Variants in RBFOX2 observed in about 807,000 individuals in gnomAD.
The protein encoded by RBFOX2 is RNA binding fox-1 homolog 2.
RBFOX2 carries 10 observed loss-of-function variants against 49.1 expected under a neutral mutation model. That is an observed-to-expected ratio of 0.20 (90% CI 0.13 to 0.35). The LOEUF is 0.35. RBFOX2 is among the 10% of genes least tolerant of loss of function. The pLI is 1.00. For synonymous variants in RBFOX2, 183 were observed against 187.4 expected, an observed-to-expected ratio of 0.98 and a Z score of 0.19; for missense variants, 323 against 486.9, an observed-to-expected ratio of 0.66 and a Z score of 3.17.
At chr22:35,826,545 T>G (rs1482629127) in intron 1 of RBFOX2, among the ~76,000 whole-genome samples, 1 of 152,052 alleles carries the variant, frequency 6.6e-6, no homozygotes, top group Non-Finnish European at 1.5e-5. Context: ...TCCTAAAGAT[T>G]GCATATAAGA....
upstream of RBFOX2, among the ~76,000 whole-genome samples, chr22:35,963,666 T>C (rs1221802248): frequency 3.9e-5 from 6 of 152,164 alleles, no homozygotes; most frequent in East Asian, 3.8e-4. Context: ...AGAGCACTTA[T>C]TACGTTCCAA....
Position 35,788,602 on chromosome 22 carries a change from T to C in RBFOX2, c.253-6856A>G, listed in dbSNP as rs544364017. Reference sequence around the variant, plus strand: ...GTTGGAAAAAAAAATCCCTTCAGAATTTTGAAGATAACTCTCAATTGTCTT... The same window carrying C: ...GTTGGAAAAAAAAATCCCTTCAGAACTTTGAAGATAACTCTCAATTGTCTT... On this transcript the variant is annotated intron_variant, in intron 2 of 11. Transcript: ENST00000405409. Among the ~76,000 whole-genome samples the C allele has an allele frequency of 2.0e-5, 3 of 152,358 alleles. No individual in the cohort carries two copies. In the South Asian group the frequency reaches 6.2e-4, roughly 32 times the overall value.
intron 1 of RBFOX2, among the ~76,000 whole-genome samples, chr22:35,813,455 A>G (rs1448106398): frequency 6.6e-6 from 1 of 152,208 alleles, no homozygotes; most frequent in East Asian, 1.9e-4. Context: ...CATCTGAGAA[A>G]AGAAATTACT....
chr22:36,006,671 TG>T (rs1199692758), intron 1 of RBFOX2, among the ~76,000 whole-genome samples: 1 of 152,202 alleles, frequency 6.6e-6, no homozygotes, highest in Non-Finnish European at 1.5e-5. Flanking sequence ...CTTGCTCGCA[TG>T]CCCTCCACCC....
intron 1 of RBFOX2, among the ~76,000 whole-genome samples, chr22:35,874,432 A>G (rs1479126006): frequency 1.3e-5 from 2 of 152,208 alleles, no homozygotes; most frequent in Non-Finnish European, 2.9e-5. Context: ...AAAGGGGTGG[A>G]TGGAGGCAGA....
At chr22:35,996,540 G>A (rs1462213713) in intron 1 of RBFOX2, 1 of 151,754 alleles carries the variant, frequency 6.6e-6, no homozygotes, top group East Asian at 1.9e-4. Flanking sequence ...GGTAGGTGGA[G>A]GTTGCAGTGA....
At chr22:35,841,050 AT>A (rs1225544185), upstream of RBFOX2, among the ~76,000 whole-genome samples, 1 of 152,090 alleles carries the variant, frequency 6.6e-6, no homozygotes, top group Admixed American at 6.6e-5. Flanking sequence ...AATTTAAATG[AT>A]TTTTTTCCTA....
chr22:35,837,865 T>C (rs898115019), intron 1 of RBFOX2, among the ~76,000 whole-genome samples: 2 of 152,156 alleles, frequency 1.3e-5, no homozygotes, highest in Admixed American at 6.5e-5. Flanking sequence ...TTCCTAAACT[T>C]ATGGCTTCTT....
chr22:35,877,762 T>C (rs1399350181), intron 1 of RBFOX2, among the ~76,000 whole-genome samples: 1 of 152,082 alleles, frequency 6.6e-6, no homozygotes. Context: ...GCCTCAATAG[T>C]ACAAAGCACT....
intron 5 of RBFOX2, 30 bp downstream of exon 6, chr22:35,768,227 A>G (rs767582455): frequency 4.4e-5 from 70 of 1,600,190 alleles, no homozygotes; most frequent in Non-Finnish European, 6.0e-5. Flanking sequence ...AAAAATATAA[A>G]CCAGAAATTG....
upstream of RBFOX2, chr22:35,939,269 C>T (rs538117962): frequency 1.3e-5 from 6 of 478,632 alleles, no homozygotes; most frequent in East Asian, 2.5e-4. Flanking sequence ...CCGTTAGCAC[C>T]CCTAAACACT....
chr22:35,883,392 G>A (rs1274193080), intron 1 of RBFOX2, among the ~76,000 whole-genome samples: 1 of 152,234 alleles, frequency 6.6e-6, no homozygotes, highest in Non-Finnish European at 1.5e-5. Context: ...AAGCCCTATT[G>A]TTTGACGGAG....
intron 2 of RBFOX2, among the ~76,000 whole-genome samples, chr22:35,801,883 A>G (rs1215166196): frequency 6.6e-6 from 1 of 152,162 alleles, no homozygotes; most frequent in African/African-American, 2.4e-5. Flanking sequence ...TTTCAACCAG[A>G]GCATCCTAAA....
chr22:35,918,426 G>C (rs2050670990), intron 1 of RBFOX2, among the ~76,000 whole-genome samples: 2 of 152,138 alleles, frequency 1.3e-5, no homozygotes, highest in Admixed American at 6.5e-5. Flanking sequence ...CTACAGCTGA[G>C]AAAGCATACA....
chr22:35,751,850 G>A (rs1001809595), intron 9 of RBFOX2, among the ~76,000 whole-genome samples: 1 of 152,168 alleles, frequency 6.6e-6, no homozygotes, highest in East Asian at 1.9e-4. Context: ...GATGAGAGAC[G>A]ATTTTCAATA....
chr22:35,778,082 C>T lies in RBFOX2; in HGVS notation c.400-4G>A, dbSNP rs752497190. 9 of 1,610,052 alleles carry T rather than the reference C, an allele frequency of 5.6e-6. No individual in the cohort carries two copies. Among genetic ancestry groups the T allele is most frequent in the Middle Eastern group, 3.3e-4 (2 of 6,074 alleles). ...CATCTAGGATTTTGCCAAACTGCTG[C>T]AGAGATAAAAATAAAAACGTTTACT... On this transcript the variant is annotated splice_region_variant and splice_polypyrimidine_tract_variant and intron_variant, in intron 3 of 11. Transcript: ENST00000405409.
At chr22:35,866,527 T>A (rs2149137058) in intron 1 of RBFOX2, among the ~76,000 whole-genome samples, 1 of 152,298 alleles carries the variant, frequency 6.6e-6, no homozygotes, top group South Asian at 2.1e-4. Flanking sequence ...CTTTTCCCTA[T>A]CCCTCCCACT....
chr22:35,762,814 C>T (rs1449138428), intron 6 of RBFOX2, among the ~76,000 whole-genome samples: 1 of 152,038 alleles, frequency 6.6e-6, no homozygotes, highest in African/African-American at 2.4e-5. Context: ...CCACAATTGG[C>T]CTTTTCAAAA....
intron 1 of RBFOX2, among the ~76,000 whole-genome samples, chr22:35,890,548 C>T (rs2047119209): frequency 6.6e-6 from 1 of 152,034 alleles, no homozygotes. Flanking sequence ...GAAAGTGAAG[C>T]CATGGATAAG....
Sources: gnomAD v4.1 joint callset for allele counts (sites outside exome capture counted in the v4.1 genomes callset) on GRCh38, gnomAD v4.1.1 for gene constraint, MANE v1.5 for transcripts, NCBI Gene and HGNC (gene_info 2026-07-23, HGNC 2026-07-21) for gene names.